Variants in RYR2 observed in about 807,000 individuals in gnomAD.
The protein encoded by RYR2 is ryanodine receptor 2, also known as cardiac muscle ryanodine receptor-calcium release channel.
RYR2 carries 227 observed loss-of-function variants against 601.1 expected under a neutral mutation model. That is an observed-to-expected ratio of 0.38 (90% CI 0.34 to 0.42). RYR2 has a LOEUF of 0.42. Ranked by LOEUF, RYR2 falls within the 10% of genes least tolerant of loss-of-function variation. The pLI is 1.00. For synonymous variants in RYR2, 2,223 were observed against 2,175.1 expected (o/e 1.02, Z -0.61); for missense variants, 4,646 against 6,156.5 (o/e 0.75, Z 8.21).
chr1:237,726,642 T>TA (rs1159455961), intron 75 of RYR2, among the ~76,000 whole-genome samples: 1 of 152,116 alleles, frequency 6.6e-6, no homozygotes, highest in African/African-American at 2.4e-5. Context: ...CTTTAGCTCT[T>TA]ACAATAAAAT....
At chr1:237,774,740 T>C (rs1336626005) in intron 87 of RYR2, among the ~76,000 whole-genome samples, 1 of 152,218 alleles carries the variant, frequency 6.6e-6, no homozygotes, top group Non-Finnish European at 1.5e-5. Flanking sequence ...CCTAGAATGA[T>C]ACCAGTACAA....
chr1:237,759,354 G>A (rs1693222877), intron 82 of RYR2, among the ~76,000 whole-genome samples: 1 of 152,086 alleles, frequency 6.6e-6, no homozygotes, highest in South Asian at 2.1e-4. Flanking sequence ...CCAAAGTGCT[G>A]GGATTACGGG....
At chr1:237,140,048 T>G (rs1037356540) in intron 1 of RYR2, among the ~76,000 whole-genome samples, 1 of 152,212 alleles carries the variant, frequency 6.6e-6, no homozygotes, top group Non-Finnish European at 1.5e-5. Flanking sequence ...TGTGTATGTT[T>G]CTGTAAGAAG....
In RYR2 at chr1:237,832,562, T is replaced by C; in HGVS notation, c.14819T>C (p.Val4940Ala). 6.2e-7 allele frequency: 1 copy of C among 1,608,756 alleles called. No individual in the cohort carries two copies. Among genetic ancestry groups the C allele is most frequent in the Non-Finnish European group, 8.5e-7 (1 of 1,175,560 alleles). The stretch of plus-strand genomic sequence containing the variant: ...CCTTGACTTTTGCAGGAATCTTATG[T>C]CTGGAAGATGTATCAAGAAAGGTGT... ...ETEHTGQESY[V>A]WKMYQERCWE... Residue 4940 changes from valine (V) to alanine (A), a missense_variant, in exon 105 of 105, where the codon GTC becomes GCC. By Grantham distance (64) the Val-to-Ala change is moderately conservative. This residue lies in a region of RYR2 where 55 missense variants were observed against 204.7 expected (regional missense o/e 0.27). Coordinates refer to ENST00000366574, the MANE Select transcript of RYR2 (RefSeq NM_001035.3).
At chr1:237,492,475 A>G (rs1004865293) in intron 18 of RYR2, among the ~76,000 whole-genome samples, 2 of 152,190 alleles carry the variant, frequency 1.3e-5, no homozygotes, top group Non-Finnish European at 2.9e-5. Flanking sequence ...ACTGAGTCAA[A>G]TGTAACTGGA....
At chr1:237,314,024 CA>C (rs373360513) in intron 2 of RYR2, among the ~76,000 whole-genome samples, 234 of 43,860 alleles carry the variant, frequency 5.3e-3, no homozygotes, top group Middle Eastern at 0.033. Flanking sequence ...AGAAACTCAG[CA>C]AAAAAAAAAA....
At chr1:237,781,711 T>G (rs1695126540) in intron 89 of RYR2, 65 bp downstream of exon 89, 2 of 822,628 alleles carry the variant, frequency 2.4e-6, no homozygotes, top group Non-Finnish European at 4.0e-6. Context: ...CATGGGCTTA[T>G]GGAATCAGAG....
chr1:237,225,797 C>T (rs1236077778), intron 1 of RYR2, among the ~76,000 whole-genome samples: 1 of 152,148 alleles, frequency 6.6e-6, no homozygotes. Flanking sequence ...TGGCTCATGC[C>T]TGTAATTCCA....
chr1:237,140,390 A>G (rs778127435), intron 1 of RYR2, among the ~76,000 whole-genome samples: 1 of 152,214 alleles, frequency 6.6e-6, no homozygotes, highest in Non-Finnish European at 1.5e-5. Context: ...CAAATTTATT[A>G]TTAAGTGAAT....
intron 1 of RYR2, among the ~76,000 whole-genome samples, chr1:237,155,879 G>A (rs536529771): frequency 2.6e-5 from 4 of 152,226 alleles, no homozygotes; most frequent in South Asian, 2.1e-4. Context: ...GTTCAACCTC[G>A]TCACCATTTA....
At chr1:237,179,855 C>A (rs1678504214) in intron 1 of RYR2, among the ~76,000 whole-genome samples, 1 of 152,058 alleles carries the variant, frequency 6.6e-6, no homozygotes, top group African/African-American at 2.4e-5. Flanking sequence ...TTGGCCATAG[C>A]CGGCAACATC....
intron 71 of RYR2, among the ~76,000 whole-genome samples, chr1:237,714,550 C>A (rs1689101015): frequency 6.6e-6 from 1 of 152,142 alleles, no homozygotes; most frequent in African/African-American, 2.4e-5. Context: ...TGTTTGATGT[C>A]TTTCTTGCCA....
chr1:237,809,086 G>A lies in RYR2; in HGVS notation c.14433+51G>A. The A allele has an allele frequency of 2.6e-6, 4 of 1,509,580 alleles. No homozygotes were observed. The South Asian group carries it at 3.5e-5, about 13-fold the overall frequency. The allele number at this position is 1,509,580 out of a possible 1,614,324, so 93.5% of individuals were successfully genotyped here. On this transcript the variant is annotated intron_variant, in intron 100 of 104. Coordinates refer to ENST00000366574, the MANE Select transcript of RYR2 (RefSeq NM_001035.3). ...ATAAACAAAAATGTCTCCTGCTTCTGCAGTCTAAGTAATTGTGTATTTATT... is the reference window on the plus strand; with the variant it reads ...ATAAACAAAAATGTCTCCTGCTTCTACAGTCTAAGTAATTGTGTATTTATT...
intron 8 of RYR2, among the ~76,000 whole-genome samples, chr1:237,384,287 C>T (rs773876637): frequency 2.6e-5 from 4 of 152,218 alleles, no homozygotes; most frequent in Non-Finnish European, 5.9e-5. Flanking sequence ...TTTTTAACTC[C>T]GTCACCTATT....
chr1:237,595,398 T>A, intron 33 of RYR2, 100 bp from the exon 34 acceptor site: 1 of 1,386,410 alleles, frequency 7.2e-7, no homozygotes, highest in Non-Finnish European at 9.8e-7. Context: ...CAGCATGAGC[T>A]TGTTGCTTGC....
rs61832393 is a variant in RYR2 at position 237,180,677 on chromosome 1, T to C, written c.49-89820T>C. Among the ~76,000 whole-genome samples, 2 of 116,676 alleles carry C rather than the reference T, an allele frequency of 1.7e-5. No homozygotes were observed. Among genetic ancestry groups the C allele is most frequent in the East Asian group, 3.1e-4 (1 of 3,278 alleles). 76.5% of individuals were successfully genotyped at this position (116,676 alleles called of 152,430 possible). A position where few individuals can be genotyped will look rare whatever the true frequency, so the allele number is the denominator to read the frequency against. ...GTGTATATATGTATACATGTGTATATATGTGTATATATGTATATATAAGTA... is the reference window on the plus strand; with the variant it reads ...GTGTATATATGTATACATGTGTATACATGTGTATATATGTATATATAAGTA... On this transcript the variant is annotated intron_variant, in intron 1 of 104. Coordinates refer to ENST00000366574, the MANE Select transcript of RYR2 (RefSeq NM_001035.3). The surrounding 1 kb of genome is among the most constrained non-coding windows in gnomAD (Gnocchi z 5.3).
chr1:237,469,479 CTTTTAAATTATG>C (rs764575542), intron 17 of RYR2, among the ~76,000 whole-genome samples: 2 of 151,888 alleles, frequency 1.3e-5, no homozygotes, highest in Non-Finnish European at 2.9e-5. Flanking sequence ...AAGTGTTTTC[CTTTTAAATTATG>C]TTAAGTATTT....
intron 35 of RYR2, among the ~76,000 whole-genome samples, chr1:237,605,216 T>C (rs1429832367): frequency 6.6e-6 from 1 of 152,154 alleles, no homozygotes; most frequent in Non-Finnish European, 1.5e-5. Context: ...TCAAAAAGCT[T>C]ATCCACCATG....
At chr1:237,360,258 C>T (rs537062414) in intron 4 of RYR2, among the ~76,000 whole-genome samples, 22 of 152,264 alleles carry the variant, frequency 1.4e-4, no homozygotes, top group African/African-American at 5.1e-4. Context: ...AGAGGGCAGG[C>T]TTTGTATGTC....
Sources: gnomAD v4.1 joint callset for allele counts (sites outside exome capture counted in the v4.1 genomes callset) on GRCh38, gnomAD v4.1.1 for gene constraint, gnomAD v4.1.1 regional missense constraint, Gnocchi (gnomAD v3.1) non-coding constraint, MANE v1.5 for transcripts, NCBI Gene and HGNC (gene_info 2026-07-23, HGNC 2026-07-21) for gene names.